The following SORD variants were observed in gnomAD, a reference collection of about 807,000 sequenced individuals.
SORD encodes the protein (R,R)-butanediol dehydrogenase.
Under a neutral mutation model 35.6 loss-of-function variants are expected in SORD, and 18 were observed. The ratio of observed to expected loss-of-function variants is 0.51; its 90% CI spans 0.35 to 0.75. The LOEUF is 0.75. Ranked by LOEUF, SORD falls within the 30% of genes least tolerant of loss-of-function variation. The probability of loss-of-function intolerance (pLI) is 0.01; values close to 1 mark genes in which losing one functional copy is unlikely to be tolerated. For missense variants in SORD, 250 were observed against 390.2 expected (o/e 0.64, Z 3.03); for synonymous variants, 106 against 152.9 (o/e 0.69, Z 2.26).
intron 5 of SORD, 97 bp from the exon 6 acceptor site, chr15:45,068,084 G>C: frequency 3.3e-6 from 3 of 912,636 alleles, no homozygotes; most frequent in East Asian, 2.4e-5. Flanking sequence ...AGATGCTAGA[G>C]ACACACAAAA....
chr15:45,036,710 A>C (rs1427624208), intron 1 of SORD, among the ~76,000 whole-genome samples: 1 of 152,158 alleles, frequency 6.6e-6, no homozygotes, highest in Non-Finnish European at 1.5e-5. Flanking sequence ...GGGACTGCTG[A>C]TGAGTTACAA....
In SORD at chr15:45,025,870, C is replaced by T. The variant is rs1413020313; in HGVS notation, c.66+2521C>T. 4.6e-5 allele frequency among the ~76,000 whole-genome samples: 7 copies of T among 152,172 alleles called. No individual in the cohort carries two copies. The East Asian group carries it at 1.2e-3, about 25-fold the overall frequency. ...GCACTACTGCGGACTTTATTCAGTT[C>T]ATAGTGCTATCTTGCACAACAAAGA... On this transcript the variant is annotated intron_variant, in intron 1 of 8. Coordinates refer to ENST00000267814, the MANE Select transcript of SORD (RefSeq NM_003104.6).
intron 4 of SORD, among the ~76,000 whole-genome samples, chr15:45,062,483 T>C (rs1260359306): frequency 1.3e-5 from 2 of 151,952 alleles, no homozygotes; most frequent in Non-Finnish European, 2.9e-5. Flanking sequence ...GTGGTGGTTT[T>C]CAGCCAGGAT....
chr15:45,029,253 C>T (rs1892729527), intron 1 of SORD, among the ~76,000 whole-genome samples: 1 of 152,292 alleles, frequency 6.6e-6, no homozygotes, highest in Non-Finnish European at 1.5e-5. Context: ...AGTAAACACT[C>T]CCACCTCCAC....
At chr15:45,032,651 T>G (rs1431703686) in intron 1 of SORD, among the ~76,000 whole-genome samples, 1 of 152,090 alleles carries the variant, frequency 6.6e-6, no homozygotes, top group Non-Finnish European at 1.5e-5. Flanking sequence ...GATTTGCATT[T>G]CAGCAAGATT....
In SORD at chr15:45,023,232, C is replaced by T. The variant is rs965468742; in HGVS notation, c.-52C>T. On this transcript the variant is annotated 5_prime_UTR_variant, in exon 1 of 9. Transcript: ENST00000267814. Reference sequence around the variant, plus strand: ...CCTCGGCTGGGTAGCGCCACCAGAGCGACCAAACGTCCCGCGCCTTCCAGG... The same window carrying T: ...CCTCGGCTGGGTAGCGCCACCAGAGTGACCAAACGTCCCGCGCCTTCCAGG... 2.5e-5 allele frequency: 36 copies of T among 1,463,294 alleles called. No homozygotes were observed. The African/African-American group carries it at 4.5e-4, about 18-fold the overall frequency. The allele number at this position is 1,463,294 out of a possible 1,614,324, so 90.6% of individuals were successfully genotyped here.
chr15:45,068,154 A>G (rs761831122), intron 5 of SORD, 27 bp from the exon 6 acceptor site: 2 of 1,595,546 alleles, frequency 1.3e-6, no homozygotes, highest in Non-Finnish European at 1.7e-6. Context: ...TATTTCACGA[A>G]CATATTCCAT....
At chr15:45,041,264 A>G (rs1448538079) in intron 2 of SORD, among the ~76,000 whole-genome samples, 1 of 152,018 alleles carries the variant, frequency 6.6e-6, no homozygotes. Flanking sequence ...ATCCCTGCTG[A>G]CAGCTTTCTA....
intron 5 of SORD, 68 bp downstream of exon 5, chr15:45,065,457 C>G: frequency 6.5e-7 from 1 of 1,532,912 alleles, no homozygotes; most frequent in South Asian, 1.3e-5. Flanking sequence ...CTGCCCATCT[C>G]ATTCCCCCTC....
rs1004537870 is a variant in SORD, at chr15:45,076,956, T to A, written c.*3426T>A. ...CATGCCACTGTTATGTTGAAGAAAC[T>A]GGGTCCTTTGTCTTCTGGATACCGT... On this transcript the variant is annotated 3_prime_UTR_variant, in exon 9 of 9. Coordinates refer to ENST00000267814, the MANE Select transcript of SORD (RefSeq NM_003104.6). The A allele has an allele frequency of 2.7e-5, 4 of 149,004 alleles. No individual in the cohort carries two copies. The highest frequency in any genetic ancestry group is 1.3e-4 in the Admixed American group (2 of 15,170). The allele number at this position is 149,004 out of a possible 1,614,324, so 9.2% of individuals were successfully genotyped here.
intron 1 of SORD, among the ~76,000 whole-genome samples, chr15:45,031,392 T>A (rs1403100739): frequency 6.6e-6 from 1 of 151,674 alleles, no homozygotes; most frequent in Non-Finnish European, 1.5e-5. Context: ...CGCTGACTGA[T>A]GAACAGATTT....
intron 1 of SORD, among the ~76,000 whole-genome samples, chr15:45,025,457 GTGAAAC>G (rs1447315563): frequency 1.1e-4 from 16 of 152,048 alleles, no homozygotes; most frequent in Non-Finnish European, 2.2e-4. Flanking sequence ...GGCCAACACG[GTGAAAC>G]TGTCTCTACT....
chr15:45,028,833 G>C (rs73421324), intron 1 of SORD, among the ~76,000 whole-genome samples: 3 of 146,816 alleles, frequency 2.0e-5, no homozygotes, highest in African/African-American at 7.9e-5. Context: ...CTGTAATACA[G>C]CACATTCAAA....
At chr15:45,066,631 G>A (rs1380425453) in intron 5 of SORD, among the ~76,000 whole-genome samples, 1 of 152,170 alleles carries the variant, frequency 6.6e-6, no homozygotes, top group African/African-American at 2.4e-5. Context: ...TCTGGAACAG[G>A]CCCTAGCAGC....
chr15:45,068,681 C>T (rs1893451142), intron 6 of SORD, among the ~76,000 whole-genome samples, 196 bp from the exon 7 acceptor site: 1 of 151,112 alleles, frequency 6.6e-6, no homozygotes, highest in Non-Finnish European at 1.5e-5. Flanking sequence ...TATTCAAAGC[C>T]ATCCTGGGCT....
At chr15:45,049,113 CTA>C (rs1157805344) in intron 3 of SORD, among the ~76,000 whole-genome samples, 18 of 152,306 alleles carry the variant, frequency 1.2e-4, no homozygotes, top group African/African-American at 4.1e-4. Context: ...AGAGGCATTT[CTA>C]TGTTTGGCCT....
chr15:45,070,997 A>G (rs1255220301), intron 7 of SORD, among the ~76,000 whole-genome samples: 2 of 152,198 alleles, frequency 1.3e-5, no homozygotes, highest in African/African-American at 4.8e-5. Flanking sequence ...GTAGAATGCT[A>G]TAGGCCACCC....
chr15:45,064,017 G>A (rs982226268), intron 4 of SORD, among the ~76,000 whole-genome samples: 7 of 148,886 alleles, frequency 4.7e-5, no homozygotes, highest in South Asian at 2.2e-4. Flanking sequence ...GGAGGACTCC[G>A]AGTTATTCTG....
chr15:45,062,168 A>G (rs1416996238), intron 4 of SORD, among the ~76,000 whole-genome samples: 15 of 152,196 alleles, frequency 9.9e-5, no homozygotes, highest in Middle Eastern at 3.4e-3. Flanking sequence ...CACAAGAATA[A>G]TGCTGAGGTG....
Sources: allele counts gnomAD v4.1 joint callset (sites outside exome capture counted in the v4.1 genomes callset), GRCh38; gene constraint gnomAD v4.1.1; transcripts MANE v1.5; gene names NCBI Gene and HGNC (gene_info 2026-07-23, HGNC 2026-07-21).